Variants in SLC12A7 observed in about 807,000 individuals in gnomAD.
SLC12A7 encodes solute carrier family 12 member 7, also known as K-Cl cotransporter 4.
Under a neutral mutation model 120.6 loss-of-function variants are expected in SLC12A7, and 100 were observed. That is an observed-to-expected ratio of 0.83 (90% CI 0.71 to 0.98). The LOEUF (loss-of-function observed/expected upper bound fraction) is 0.98. SLC12A7 is among the 50% of genes least tolerant of loss of function. The probability of loss-of-function intolerance (pLI) is 0.00; values close to 1 mark genes in which losing one functional copy is unlikely to be tolerated. For synonymous variants in SLC12A7, 760 were observed against 678.0 expected, an observed-to-expected ratio of 1.12 and a Z score of -1.88; for missense variants, 1,373 against 1,548.1, an observed-to-expected ratio of 0.89 and a Z score of 1.90.
At chr5:1,081,852 G>T in intron 8 of SLC12A7, 108 bp from the exon 9 acceptor site, 1 of 1,318,350 alleles carries the variant, frequency 7.6e-7, no homozygotes, top group Non-Finnish European at 1.0e-6. Context: ...GAGGGGAAGG[G>T]TCACAGCTTG....
chr5:1,093,685 C>A, intron 2 of SLC12A7, 30 bp from the exon 3 acceptor site: 1 of 1,608,132 alleles, frequency 6.2e-7, no homozygotes, highest in Non-Finnish European at 8.5e-7. Context: ...TCACAGGCGG[C>A]CCGCACCTCG....
chr5:1,131,469 G>A, the SLC12A7 span, among the ~76,000 whole-genome samples: 3 of 152,206 alleles, frequency 2.0e-5, no homozygotes, highest in South Asian at 2.1e-4. Flanking sequence ...AGTCCTGCAC[G>A]GCCGCCACGC....
intron 20 of SLC12A7, among the ~76,000 whole-genome samples, chr5:1,061,091 C>CG (rs1229607282): frequency 1.3e-5 from 1 of 75,170 alleles, no homozygotes; most frequent in African/African-American, 3.8e-5. Context: ...ATCCGCCATG[C>CG]GGAACCCCTG....
chr5:1,058,825 G>GC (rs1433586872), intron 21 of SLC12A7, among the ~76,000 whole-genome samples: 1 of 152,196 alleles, frequency 6.6e-6, no homozygotes, highest in Non-Finnish European at 1.5e-5. Flanking sequence ...CGCCCACCTG[G>GC]CCCGAGGGCC....
In SLC12A7 at chr5:1,075,979, C is replaced by T. The variant is rs374710889; in HGVS notation, c.1847+159G>A. 1.6e-4 allele frequency: 101 copies of T among 616,178 alleles called. No homozygotes were observed. The South Asian group carries it at 1.8e-3, about 11-fold the overall frequency. The allele number at this position is 616,178 out of a possible 1,614,324, so 38.2% of individuals were successfully genotyped here. On this transcript the variant is annotated intron_variant, in intron 14 of 23. Coordinates refer to ENST00000264930, the MANE Select transcript of SLC12A7 (RefSeq NM_006598.3). ...CTCCGCAAAGGAACAGTCAAGGACG[C>T]GCTGGGGTCTTCAGGCCCAGAGCAG...
chr5:1,057,525 T>C lies in SLC12A7; in HGVS notation c.2972A>G (p.Tyr991Cys). The stretch of plus-strand genomic sequence containing the variant: ...AGATAGGCTGGTGTCTCTGCTCCTG[T>C]ACTTCTCAGCGATCAGCTTCTCCCT... ...WTREKLIAEK[Y>C]RSRDTSLSGF... Residue 991 changes from tyrosine to cysteine, a missense_variant, in exon 22 of 24, where the codon TAC becomes TGC. By Grantham distance (194) the Tyr-to-Cys change is radical. Coordinates refer to ENST00000264930, the MANE Select transcript of SLC12A7 (RefSeq NM_006598.3). 1 of 1,613,418 alleles carries C rather than the reference T, an allele frequency of 6.2e-7. No homozygotes were observed. The highest frequency in any genetic ancestry group is 8.5e-7 in the Non-Finnish European group (1 of 1,179,958).
intron 5 of SLC12A7, among the ~76,000 whole-genome samples, chr5:1,087,950 T>G (rs1480804164): frequency 2.0e-5 from 3 of 152,226 alleles, no homozygotes; most frequent in African/African-American, 7.2e-5. Flanking sequence ...CAGTGTTTTG[T>G]CTTCACCTTC....
chr5:1,143,182 C>G, the SLC12A7 span, among the ~76,000 whole-genome samples: 1 of 152,242 alleles, frequency 6.6e-6, no homozygotes, highest in Non-Finnish European at 1.5e-5. Context: ...TTTCCCAAGA[C>G]CGGAGCTTCC....
chr5:1,138,811 C>T, the SLC12A7 span, among the ~76,000 whole-genome samples: 38 of 152,330 alleles, frequency 2.5e-4, no homozygotes, highest in African/African-American at 8.4e-4. Flanking sequence ...AGCTAAGCCC[C>T]ACTGCCCGAC....
At chr5:1,110,295 GC>G (rs1211078321) in intron 1 of SLC12A7, among the ~76,000 whole-genome samples, 1 of 152,168 alleles carries the variant, frequency 6.6e-6, no homozygotes, top group Non-Finnish European at 1.5e-5. Context: ...CCCACACCTG[GC>G]CCATGCCCTC....
chr5:1,075,769 G>A, intron 14 of SLC12A7: 3 of 513,270 alleles, frequency 5.8e-6, no homozygotes, highest in Non-Finnish European at 1.0e-5. Context: ...AGGGGCTGAA[G>A]CGTCCACCCA....
At chr5:1,091,069 G>C (rs1054646320) in intron 3 of SLC12A7, among the ~76,000 whole-genome samples, 2 of 152,166 alleles carry the variant, frequency 1.3e-5, no homozygotes, top group Non-Finnish European at 2.9e-5. Context: ...AGGCCTGCTG[G>C]GGTCACGGGC....
intron 8 of SLC12A7, among the ~76,000 whole-genome samples, chr5:1,082,467 G>C (rs1337116063): frequency 3.0e-5 from 4 of 132,254 alleles, no homozygotes. Context: ...TTCCTCTCTA[G>C]GGTTCTGGAA....
chr5:1,130,549 C>CTG, the SLC12A7 span, among the ~76,000 whole-genome samples: 1 of 145,050 alleles, frequency 6.9e-6, no homozygotes, highest in Non-Finnish European at 1.6e-5. Flanking sequence ...GGGCGGCTGC[C>CTG]CGCGCAGGTC....
At chr5:1,129,771 C>T in the SLC12A7 span, among the ~76,000 whole-genome samples, 15,054 of 152,250 alleles carry the variant, frequency 0.099, 894 homozygotes, top group East Asian at 0.21. Context: ...GAAAAGATCC[C>T]GGCTGAGATT....
rs559996724 is a variant in SLC12A7, at chr5:1,088,242, C to T, written c.544+64G>A. ...TCGCCAAGCGGCCTCCTCGCGGTTG[C>T]CGTGCGGCAAAACACAGACTCCTCT... On this transcript the variant is annotated intron_variant, in intron 5 of 23. Coordinates refer to ENST00000264930, the MANE Select transcript of SLC12A7 (RefSeq NM_006598.3). 2,237 of 1,524,614 alleles carry T rather than the reference C, an allele frequency of 1.5e-3. 7 individuals carry two copies. The highest frequency in any genetic ancestry group is 1.9e-3 in the Non-Finnish European group (2,091 of 1,124,568). 94.4% of individuals were successfully genotyped at this position (1,524,614 alleles called of 1,614,324 possible).
intron 1 of SLC12A7, among the ~76,000 whole-genome samples, chr5:1,109,327 C>G (rs933244739): frequency 6.6e-6 from 1 of 152,196 alleles, no homozygotes; most frequent in South Asian, 2.1e-4. Flanking sequence ...GTTACAAAAC[C>G]CACTCTACCC....
At chr5:1,131,967 C>G in the SLC12A7 span, among the ~76,000 whole-genome samples, 1 of 152,172 alleles carries the variant, frequency 6.6e-6, no homozygotes, top group Non-Finnish European at 1.5e-5. Flanking sequence ...GGGGCTGGGT[C>G]TGATGAGGCT....
chr5:1,090,788 C>T (rs543169893), intron 3 of SLC12A7, among the ~76,000 whole-genome samples: 1 of 152,204 alleles, frequency 6.6e-6, no homozygotes, highest in Admixed American at 6.5e-5. Flanking sequence ...TGACTCCTCA[C>T]GGAAGGGCAT....
Sources: allele counts gnomAD v4.1 joint callset (sites outside exome capture counted in the v4.1 genomes callset), GRCh38; gene constraint gnomAD v4.1.1; transcripts MANE v1.5; gene names NCBI Gene and HGNC (gene_info 2026-07-23, HGNC 2026-07-21).